The following PPP2R2D variants were observed in gnomAD, a reference collection of about 807,000 sequenced individuals.
The protein encoded by PPP2R2D is protein phosphatase 2 regulatory subunit Bdelta.
In PPP2R2D, 9 loss-of-function variants were observed where a neutral mutation model predicts 31.1. That is an observed-to-expected ratio of 0.29 (90% CI 0.17 to 0.51). PPP2R2D has a LOEUF of 0.51. Ranked by LOEUF, PPP2R2D falls within the 20% of genes least tolerant of loss-of-function variation. The pLI, the probability that PPP2R2D is intolerant of heterozygous loss-of-function variation, is 0.98. For synonymous variants in PPP2R2D, 179 were observed against 172.6 expected (o/e 1.04, Z -0.29); for missense variants, 391 against 465.6 (o/e 0.84, Z 1.48).
chr10:131,964,573 G>A (rs782172209), downstream of PPP2R2D, among the ~76,000 whole-genome samples: 4 of 151,710 alleles, frequency 2.6e-5, no homozygotes, highest in East Asian at 7.7e-4. Context: ...AAATCAGGCT[G>A]TCATTACGTG....
At chr10:131,928,622 G>A (rs2036150009) in intron 2 of PPP2R2D, among the ~76,000 whole-genome samples, 1 of 152,232 alleles carries the variant, frequency 6.6e-6, no homozygotes, top group African/African-American at 2.4e-5. Context: ...GAGAGGAAAT[G>A]GGGGAACCCC....
Position 131,945,529 on chromosome 10 carries a change from G to A in PPP2R2D, c.820+70G>A, listed in dbSNP as rs1403136312. 1.3e-5 allele frequency: 20 copies of A among 1,509,694 alleles called. No homozygotes were observed. Among genetic ancestry groups the A allele is most frequent in the East Asian group, 4.7e-5 (2 of 42,758 alleles). 93.5% of individuals were successfully genotyped at this position (1,509,694 alleles called of 1,614,324 possible). On this transcript the variant is annotated intron_variant, in intron 7 of 8. Transcript: ENST00000455566. This position sits in a 1 kb window ranked among gnomAD's most constrained non-coding sequence, Gnocchi z 4.8. ...GGCTGCGGTGCAGTGACACAGTCTC[G>A]GCTCACGGCAAGCTCCGCCTCCCGG...
At chr10:131,970,959 A>C in the PPP2R2D span, 17 of 1,613,780 alleles carry the variant, frequency 1.1e-5, no homozygotes, top group South Asian at 1.5e-4. The surrounding 1 kb of genome is among the most constrained non-coding windows in gnomAD (Gnocchi z 4.1). Context: ...TTTCAATATC[A>C]TCTTCCTCAG....
At chr10:131,908,801 A>G (rs2035639159) in intron 2 of PPP2R2D, among the ~76,000 whole-genome samples, 1 of 152,252 alleles carries the variant, frequency 6.6e-6, no homozygotes, top group Non-Finnish European at 1.5e-5. Context: ...CTTGCATAGG[A>G]AAATAGCTGA....
chr10:131,905,797 T>G (rs992763039), intron 2 of PPP2R2D, among the ~76,000 whole-genome samples: 1 of 152,358 alleles, frequency 6.6e-6, no homozygotes, highest in East Asian at 1.9e-4. Flanking sequence ...GCTGTACTGC[T>G]TCAGCGACCA....
At chr10:131,949,360 C>T (rs1331378582) in intron 8 of PPP2R2D, among the ~76,000 whole-genome samples, 1 of 152,198 alleles carries the variant, frequency 6.6e-6, no homozygotes, top group Non-Finnish European at 1.5e-5. Flanking sequence ...GGAAGCACAG[C>T]CCTGAGAAGT....
the PPP2R2D span, chr10:131,968,586 T>C: frequency 6.3e-7 from 1 of 1,582,634 alleles, no homozygotes; most frequent in East Asian, 2.2e-5. Context: ...AGAAAAATTA[T>C]CAGTAGTTAA....
At chr10:131,918,948 G>GTGCT in intron 2 of PPP2R2D, among the ~76,000 whole-genome samples, 1 of 139,952 alleles carries the variant, frequency 7.1e-6, no homozygotes, top group East Asian at 2.4e-4. Context: ...GAATGACACA[G>GTGCT]TGTAGGGACC....
At position 131,956,687 on chromosome 10, in the gene PPP2R2D, A is replaced by G. The variant is rs2036806075; in HGVS notation, c.*724A>G. 4.2e-6 allele frequency: 2 copies of G among 481,506 alleles called. No homozygotes were observed. The highest frequency in any genetic ancestry group is 8.8e-5 in the South Asian group (1 of 11,388). The allele number at this position is 481,506 out of a possible 1,614,324, so 29.8% of individuals were successfully genotyped here. A position where few individuals can be genotyped will look rare whatever the true frequency, so the allele number is the denominator to read the frequency against. On this transcript the variant is annotated 3_prime_UTR_variant, in exon 9 of 9. Coordinates refer to ENST00000455566, the MANE Select transcript of PPP2R2D (RefSeq NM_018461.5). ...TATGTGTGCAGCATTTCTGTCCCCAAGCTGCTGCCCGCTGTGTTTCTGTAG... is the reference window on the plus strand; with the variant it reads ...TATGTGTGCAGCATTTCTGTCCCCAGGCTGCTGCCCGCTGTGTTTCTGTAG...
intron 2 of PPP2R2D, among the ~76,000 whole-genome samples, chr10:131,902,609 C>CT (rs1250588250): frequency 1.3e-5 from 2 of 152,096 alleles, no homozygotes; most frequent in Non-Finnish European, 1.5e-5. Context: ...AAATGCATTA[C>CT]TTTTTTTGTT....
intron 5 of PPP2R2D, chr10:131,940,973 AG>A (rs1554897150): frequency 6.5e-6 from 2 of 307,204 alleles, no homozygotes; most frequent in African/African-American, 4.3e-5. Context: ...TTGTGGACAT[AG>A]CAACCACCCT....
rs782051552 is a variant in PPP2R2D, at chr10:131,940,172, G to A, written c.340G>A (p.Ala114Thr). Reference sequence around the variant, plus strand: ...TAGGTGGTTACCACAACAGAATGCTGCTCATTTTCTACTGTCTACAAATGG... The same window carrying A: ...TAGGTGGTTACCACAACAGAATGCTACTCATTTTCTACTGTCTACAAATGG... The part of the protein sequence containing the change: ...KIRWLPQQNA[A>T]HFLLSTNDKT... Residue 114 changes from alanine to threonine, a missense_variant, in exon 4 of 9, where the codon GCT becomes ACT. By Grantham distance (58) the Ala-to-Thr change is moderately conservative. This residue lies in a region of PPP2R2D where 105 missense variants were observed against 98.5 expected (regional missense o/e 1.07). Coordinates refer to ENST00000455566, the MANE Select transcript of PPP2R2D (RefSeq NM_018461.5). 24 of 762,482 alleles carry A rather than the reference G, an allele frequency of 3.1e-5. No individual in the cohort carries two copies. In the South Asian group the frequency reaches 3.2e-4, roughly 10 times the overall value. 47.2% of individuals were successfully genotyped at this position (762,482 alleles called of 1,614,324 possible).
Position 131,959,208 on chromosome 10 carries a change from C to G in PPP2R2D, c.*3245C>G, listed in dbSNP as rs1419842493. 1.8e-5 allele frequency: 3 copies of G among 170,296 alleles called. No homozygotes were observed. Among genetic ancestry groups the G allele is most frequent in the South Asian group, 9.7e-5 (1 of 10,302 alleles). 10.5% of individuals were successfully genotyped at this position (170,296 alleles called of 1,614,324 possible). On this transcript the variant is annotated 3_prime_UTR_variant, in exon 9 of 9. Coordinates refer to ENST00000455566, the MANE Select transcript of PPP2R2D (RefSeq NM_018461.5). ...TGAAGGTGTGTGCTGATCCCCCGTC[C>G]TCCTGTGGAGATGAAGGCGTGTGCT...
chr10:131,967,993 T>C, the PPP2R2D span: 1 of 152,872 alleles, frequency 6.5e-6, no homozygotes, highest in South Asian at 2.1e-4. Flanking sequence ...CTGTTGATTA[T>C]GAACAATTAG....
chr10:131,901,039 CGGCGGCGCCGGCGGTGGT>C lies in PPP2R2D; in HGVS notation c.-103_-86del, dbSNP rs1260107467. On this transcript the variant is annotated 5_prime_UTR_variant, in exon 1 of 9. Coordinates refer to ENST00000455566, the MANE Select transcript of PPP2R2D (RefSeq NM_018461.5). ...CCCTCCCCGGCGGCGGCGGCGGCGG[CGGCGGCGCCGGCGGTGGT>C]GGCGGCCCCGGGGCTGAGCGCTCGG... is the stretch of plus-strand genomic sequence containing the variant. 28 of 159,764 alleles carry C rather than the reference CGGCGGCGCCGGCGGTGGT, an allele frequency of 1.8e-4. No homozygotes were observed. Among genetic ancestry groups the C allele is most frequent in the East Asian group, 5.6e-4 (3 of 5,380 alleles). The allele number at this position is 159,764 out of a possible 1,614,324, so 9.9% of individuals were successfully genotyped here.
chr10:131,920,800 A>G (rs1554894137), intron 2 of PPP2R2D, among the ~76,000 whole-genome samples: 3 of 152,178 alleles, frequency 2.0e-5, no homozygotes. Context: ...ACAGTGGTGC[A>G]TACCTGTAAT....
At chr10:131,906,240 G>A (rs887887433) in intron 2 of PPP2R2D, among the ~76,000 whole-genome samples, 1 of 152,162 alleles carries the variant, frequency 6.6e-6, no homozygotes. Context: ...TGGGGGAGGA[G>A]GGTCTTATAT....
At chr10:131,932,666 A>AC (rs1343230444) in intron 2 of PPP2R2D, among the ~76,000 whole-genome samples, 1 of 142,446 alleles carries the variant, frequency 7.0e-6, no homozygotes, top group Non-Finnish European at 1.5e-5. Context: ...AAAAAAAAAA[A>AC]AACACACAAA....
At chr10:131,970,888 CT>C in the PPP2R2D span, 2 of 1,614,272 alleles carry the variant, frequency 1.2e-6, no homozygotes, top group Non-Finnish European at 1.7e-6. This position sits in a 1 kb window ranked among gnomAD's most constrained non-coding sequence, Gnocchi z 4.1. Context: ...TTCCGGCCGA[CT>C]TGACCAATCC....
Sources: allele counts gnomAD v4.1 joint callset (sites outside exome capture counted in the v4.1 genomes callset), GRCh38; gene constraint gnomAD v4.1.1; regional missense constraint gnomAD v4.1.1; non-coding constraint Gnocchi (gnomAD v3.1); transcripts MANE v1.5; gene names NCBI Gene and HGNC (gene_info 2026-07-23, HGNC 2026-07-21).